SORCS3: variants seen among roughly 807,000 people sequenced by gnomAD.
SORCS3 encodes sortilin related VPS10 domain containing receptor 3, also known as VPS10 domain-containing receptor SorCS3.
In SORCS3, 57 loss-of-function variants were observed where a neutral mutation model predicts 146.3. The observed-to-expected ratio is 0.39, with a 90% CI of 0.31 to 0.49. The LOEUF (loss-of-function observed/expected upper bound fraction) is 0.49, where lower values mean the gene tolerates loss of function less well. Ranked by LOEUF, SORCS3 falls within the 20% of genes least tolerant of loss-of-function variation. The probability of loss-of-function intolerance (pLI) is 0.92; values close to 1 mark genes in which losing one functional copy is unlikely to be tolerated. For synonymous variants in SORCS3, 653 were observed against 618.5 expected (o/e 1.06, Z -0.83); for missense variants, 1,341 against 1,575.5 (o/e 0.85, Z 2.52).
intron 16 of SORCS3, among the ~76,000 whole-genome samples, chr10:105,203,755 A>G (rs951622756): frequency 2.0e-5 from 3 of 152,234 alleles, no homozygotes; most frequent in Admixed American, 1.3e-4. Context: ...CTAAGGAAGA[A>G]TAAATGAATT....
At chr10:105,041,320 T>C (rs1316811204) in intron 4 of SORCS3, among the ~76,000 whole-genome samples, 1 of 148,768 alleles carries the variant, frequency 6.7e-6, no homozygotes, top group Non-Finnish European at 1.5e-5. Context: ...CAAATTGTTT[T>C]ATAACCAAAT....
At chr10:105,043,219 G>A (rs1190661598) in intron 5 of SORCS3, 91 bp downstream of exon 5, 2 of 1,112,950 alleles carry the variant, frequency 1.8e-6, no homozygotes, top group East Asian at 4.8e-5. Context: ...TGCAGTTCTT[G>A]CAGACAAATG....
chr10:104,783,973 G>A (rs1423638744), intron 1 of SORCS3, among the ~76,000 whole-genome samples: 1 of 152,206 alleles, frequency 6.6e-6, no homozygotes, highest in Non-Finnish European at 1.5e-5. Context: ...ATGCCTTTGG[G>A]AAAATACTGT....
At chr10:104,898,584 G>A (rs963161602) in intron 2 of SORCS3, among the ~76,000 whole-genome samples, 8 of 152,128 alleles carry the variant, frequency 5.3e-5, no homozygotes, top group African/African-American at 1.9e-4. Flanking sequence ...TCTTCATCCT[G>A]GGCAAGAAAC....
At chr10:104,769,940 T>C (rs1004904792) in intron 1 of SORCS3, among the ~76,000 whole-genome samples, 3 of 152,168 alleles carry the variant, frequency 2.0e-5, no homozygotes, top group Admixed American at 6.5e-5. Context: ...ATGACTGTTA[T>C]GGCAGTGTTG....
intron 1 of SORCS3, among the ~76,000 whole-genome samples, chr10:104,724,853 T>A (rs956999202): frequency 6.6e-6 from 1 of 152,210 alleles, no homozygotes; most frequent in African/African-American, 2.4e-5. Context: ...TTCTCTGCGT[T>A]GGTTATTCTA....
At chr10:104,940,243 T>A (rs1328623509) in intron 3 of SORCS3, among the ~76,000 whole-genome samples, 128 of 37,816 alleles carry the variant, frequency 3.4e-3, no homozygotes, top group African/African-American at 0.021. Flanking sequence ...TATATATTTT[T>A]TTTTTTTTTT....
intron 1 of SORCS3, among the ~76,000 whole-genome samples, chr10:104,686,557 C>T (rs1350651390): frequency 1.3e-5 from 2 of 152,122 alleles, no homozygotes; most frequent in Non-Finnish European, 2.9e-5. Flanking sequence ...AGGTAATAGC[C>T]AGGAAGACTC....
chr10:104,655,698 C>T (rs1033907955), intron 1 of SORCS3, among the ~76,000 whole-genome samples: 10 of 152,134 alleles, frequency 6.6e-5, no homozygotes, highest in African/African-American at 2.4e-4. Context: ...TTAGCACCAT[C>T]CTCTTGGTAC....
At chr10:105,013,839 A>G (rs2055148646) in intron 4 of SORCS3, among the ~76,000 whole-genome samples, 1 of 152,074 alleles carries the variant, frequency 6.6e-6, no homozygotes, top group Non-Finnish European at 1.5e-5. Context: ...TAATGCACAG[A>G]AAATAGCAAA....
At chr10:105,093,316 T>G (rs972982811) in intron 6 of SORCS3, among the ~76,000 whole-genome samples, 3 of 152,168 alleles carry the variant, frequency 2.0e-5, no homozygotes, top group Non-Finnish European at 4.4e-5. Flanking sequence ...TTTATAAAAC[T>G]TTTAAAAGAA....
intron 4 of SORCS3, among the ~76,000 whole-genome samples, chr10:104,987,994 C>T (rs1211915795): frequency 6.6e-6 from 1 of 152,138 alleles, no homozygotes; most frequent in Non-Finnish European, 1.5e-5. Context: ...AGATACATGT[C>T]CTGAAGTACC....
At chr10:105,098,300 G>A (rs1225984168) in intron 6 of SORCS3, among the ~76,000 whole-genome samples, 1 of 152,152 alleles carries the variant, frequency 6.6e-6, no homozygotes, top group Non-Finnish European at 1.5e-5. Flanking sequence ...CTCACTTTAT[G>A]GATTGAGATA....
intron 3 of SORCS3, among the ~76,000 whole-genome samples, chr10:104,970,549 C>G (rs1396538782): frequency 1.3e-5 from 2 of 152,152 alleles, no homozygotes; most frequent in Non-Finnish European, 2.9e-5. Context: ...TCCCCTACCC[C>G]TACCCCTTCA....
intron 1 of SORCS3, among the ~76,000 whole-genome samples, chr10:104,711,625 G>C (rs1339615249): frequency 6.6e-6 from 1 of 152,204 alleles, no homozygotes; most frequent in Non-Finnish European, 1.5e-5. Flanking sequence ...GCTAGCTCCT[G>C]CCTTGGGCAA....
intron 8 of SORCS3, among the ~76,000 whole-genome samples, chr10:105,146,358 C>G (rs1326009141): frequency 2.0e-5 from 3 of 151,814 alleles, no homozygotes; most frequent in African/African-American, 4.8e-5. Context: ...AAGACCCTGT[C>G]TTTAAATTTT....
chr10:105,163,362 C>G (rs1164957708), intron 11 of SORCS3, among the ~76,000 whole-genome samples: 1 of 152,170 alleles, frequency 6.6e-6, no homozygotes, highest in African/African-American at 2.4e-5. Flanking sequence ...AAAATATCAG[C>G]CAGTAAGATA....
intron 4 of SORCS3, among the ~76,000 whole-genome samples, chr10:105,033,099 C>A (rs1298259501): frequency 6.6e-6 from 1 of 152,072 alleles, no homozygotes; most frequent in Non-Finnish European, 1.5e-5. Context: ...GTAAGGTTGT[C>A]TTATGTGACT....
intron 4 of SORCS3, among the ~76,000 whole-genome samples, chr10:104,980,842 G>A (rs2054927800): frequency 6.6e-6 from 1 of 152,184 alleles, no homozygotes; most frequent in Non-Finnish European, 1.5e-5. Flanking sequence ...ACTCAGTAAA[G>A]GCACTGCTGG....
Sources: gnomAD v4.1 joint callset for allele counts (sites outside exome capture counted in the v4.1 genomes callset) on GRCh38, gnomAD v4.1.1 for gene constraint, MANE v1.5 for transcripts, NCBI Gene and HGNC (gene_info 2026-07-23, HGNC 2026-07-21) for gene names.